The following MAST2 variants were observed in gnomAD, a reference collection of about 807,000 sequenced individuals.
MAST2 encodes the protein microtubule associated serine/threonine kinase 2.
A neutral mutation model predicts 147.4 loss-of-function variants in MAST2; 70 were observed. That is an observed-to-expected ratio of 0.47 (90% CI 0.39 to 0.58). The LOEUF is 0.58. Among genes scored for constraint, MAST2 ranks in the 20% least tolerant of loss-of-function variants. The probability of loss-of-function intolerance (pLI) is 0.00; values close to 1 mark genes in which losing one functional copy is unlikely to be tolerated. For missense variants in MAST2, 2,080 were observed against 2,302.3 expected (o/e 0.90, Z 1.98); for synonymous variants, 869 against 896.8 (o/e 0.97, Z 0.55).
intron 4 of MAST2, among the ~76,000 whole-genome samples, chr1:45,919,769 T>A (rs1653144098): frequency 6.6e-6 from 1 of 152,080 alleles, no homozygotes. Context: ...ATCTTACAGC[T>A]TTGGAGCTTG....
At chr1:45,905,082 A>T (rs926790567) in intron 4 of MAST2, among the ~76,000 whole-genome samples, 2 of 150,742 alleles carry the variant, frequency 1.3e-5, no homozygotes, top group African/African-American at 4.8e-5. Flanking sequence ...AAGTTCTGGG[A>T]TTGTAGGCAT....
At chr1:46,030,518 T>C in intron 21 of MAST2, 89 bp from the exon 22 acceptor site, 2 of 1,466,452 alleles carry the variant, frequency 1.4e-6, no homozygotes, top group South Asian at 1.3e-5. Flanking sequence ...TGGTTCAAAT[T>C]CCTAGGTTTC....
At chr1:45,892,630 TA>T (rs767081028) in intron 4 of MAST2, among the ~76,000 whole-genome samples, 7 of 152,176 alleles carry the variant, frequency 4.6e-5, no homozygotes, top group Admixed American at 1.3e-4. Flanking sequence ...TCAGTAGTTT[TA>T]AAATACCTGC....
chr1:45,904,974 A>AT (rs988099631), intron 4 of MAST2, among the ~76,000 whole-genome samples: 1 of 150,906 alleles, frequency 6.6e-6, no homozygotes, highest in Non-Finnish European at 1.5e-5. Flanking sequence ...TGCCTGGCTA[A>AT]TTTTTTTTAA....
Position 46,024,143 on chromosome 1 carries a change from C to T in MAST2, c.1780+163C>T, listed in dbSNP as rs1646304610. 12 of 658,102 alleles carry T rather than the reference C, an allele frequency of 1.8e-5. No homozygotes were observed. In the South Asian group the frequency reaches 2.1e-4, roughly 12 times the overall value. The allele number at this position is 658,102 out of a possible 1,614,324, so 40.8% of individuals were successfully genotyped here. On this transcript the variant is annotated intron_variant, in intron 15 of 28. Coordinates refer to ENST00000361297, the MANE Select transcript of MAST2 (RefSeq NM_015112.3). ...CTCAGGATCACAGAGACCATTTGGC[C>T]ACAGTGGGCACAAAGCTCCCTGCCT...
At position 46,029,452 on chromosome 1, in the gene MAST2, CCT is replaced by C. The variant is rs1170665362; in HGVS notation, c.2219-13_2219-12del. On this transcript the variant is annotated splice_polypyrimidine_tract_variant and intron_variant, in intron 18 of 28. Coordinates refer to ENST00000361297, the MANE Select transcript of MAST2 (RefSeq NM_015112.3). ...CACAATTTCTCCTTTCCCTCTCACC[CCT>C]GATGACTTCAGATGAGATTGTGTGG... 5.6e-6 allele frequency: 9 copies of C among 1,605,416 alleles called. No homozygotes were observed. The highest frequency in any genetic ancestry group is 1.1e-5 in the South Asian group (1 of 90,810).
chr1:45,920,226 T>C (rs1653237328), intron 4 of MAST2, among the ~76,000 whole-genome samples: 1 of 152,206 alleles, frequency 6.6e-6, no homozygotes, highest in Non-Finnish European at 1.5e-5. Context: ...CATATGCTGA[T>C]AGATATTCAG....
intron 5 of MAST2, among the ~76,000 whole-genome samples, chr1:45,993,357 A>G (rs1557440466): frequency 1.3e-5 from 2 of 151,930 alleles, no homozygotes; most frequent in African/African-American, 2.4e-5. Flanking sequence ...TTGTTTGAAA[A>G]AGTATTTATT....
At chr1:45,892,972 A>G (rs1478635935) in intron 4 of MAST2, among the ~76,000 whole-genome samples, 1 of 152,236 alleles carries the variant, frequency 6.6e-6, no homozygotes, top group Non-Finnish European at 1.5e-5. Context: ...TGTATAACTT[A>G]TAATATTCTT....
chr1:45,830,466 C>T (rs1023743394), intron 3 of MAST2, among the ~76,000 whole-genome samples: 1 of 152,176 alleles, frequency 6.6e-6, no homozygotes, highest in Non-Finnish European at 1.5e-5. Flanking sequence ...AGCCACTGTG[C>T]CTGGCCCAAT....
At chr1:45,987,702 C>G (rs757497919) in intron 5 of MAST2, among the ~76,000 whole-genome samples, 47 of 130,308 alleles carry the variant, frequency 3.6e-4, no homozygotes, top group Admixed American at 1.1e-3. Flanking sequence ...TACCTTTCTT[C>G]TGGGTTTCAT....
intron 5 of MAST2, among the ~76,000 whole-genome samples, chr1:45,970,083 T>C (rs977751502): frequency 6.6e-6 from 1 of 152,178 alleles, no homozygotes; most frequent in South Asian, 2.1e-4. Flanking sequence ...AACAAAATAG[T>C]TTCTCCCAAG....
rs768500557 is a variant in MAST2 at position 46,031,017 on chromosome 1, C to T, written c.2719C>T (p.Arg907Trp). 8.1e-6 allele frequency: 13 copies of T among 1,613,142 alleles called. No homozygotes were observed. Among genetic ancestry groups the T allele is most frequent in the Non-Finnish European group, 1.0e-5 (12 of 1,179,502 alleles). Residue 907 changes from arginine (R) to tryptophan (W), a missense_variant, in exon 23 of 29, where the codon CGG becomes TGG. By Grantham distance (101) the Arg-to-Trp change is moderately radical (BLOSUM62 -3). Transcript: ENST00000361297. This position sits in a 1 kb window ranked among gnomAD's most constrained non-coding sequence, Gnocchi z 4.1. ...VIGSPEILRK[R>W]LSVSESSHTE... is the part of the protein sequence containing the mutation. ...CCTTGTGTCTCATAGATTACGGAAG[C>T]GGCTGTCGGTGTCTGAGTCATCCCA...
intron 2 of MAST2, among the ~76,000 whole-genome samples, chr1:45,824,955 G>A (rs1570245880): frequency 6.6e-6 from 1 of 152,180 alleles, no homozygotes; most frequent in African/African-American, 2.4e-5. Flanking sequence ...AAAAATTCAG[G>A]GGGAAAAAAT....
At chr1:45,828,274 T>A (rs1644852282) in intron 2 of MAST2, among the ~76,000 whole-genome samples, 1 of 152,220 alleles carries the variant, frequency 6.6e-6, no homozygotes, top group Non-Finnish European at 1.5e-5. Flanking sequence ...CTTAACATCT[T>A]TACTACATTG....
chr1:45,983,358 C>CT (rs1644486754), intron 5 of MAST2, among the ~76,000 whole-genome samples: 1 of 152,144 alleles, frequency 6.6e-6, no homozygotes, highest in Non-Finnish European at 1.5e-5. Flanking sequence ...GTGTTGTAAA[C>CT]TAAGCACATT....
intron 3 of MAST2, among the ~76,000 whole-genome samples, chr1:45,842,427 C>G (rs1386238984): frequency 1.3e-5 from 2 of 152,154 alleles, no homozygotes; most frequent in African/African-American, 4.8e-5. Context: ...GCAAAACCTG[C>G]CTGTTACTTT....
rs569514453 is a variant in MAST2 at position 45,805,320 on chromosome 1, G to A, written c.177+1248G>A. The stretch of plus-strand genomic sequence containing the variant: ...ATTACAGGCATGAGCCAGTGTGCCC[G>A]GCCCTTTAGACAGTTTAAAAATTAT... On this transcript the variant is annotated intron_variant, in intron 1 of 28. Transcript: ENST00000361297. 1.0e-3 allele frequency among the ~76,000 whole-genome samples: 156 copies of A among 152,220 alleles called. 1 individual carries two copies. Among genetic ancestry groups the A allele is most frequent in the African/African-American group, 3.6e-3 (148 of 41,534 alleles).
At chr1:45,878,859 T>C (rs1462014199) in intron 3 of MAST2, among the ~76,000 whole-genome samples, 3 of 151,854 alleles carry the variant, frequency 2.0e-5, no homozygotes, top group African/African-American at 7.2e-5. Context: ...AGAAGTACTA[T>C]GTTCATGTAT....
Sources: allele counts gnomAD v4.1 joint callset (sites outside exome capture counted in the v4.1 genomes callset), GRCh38; gene constraint gnomAD v4.1.1; non-coding constraint Gnocchi (gnomAD v3.1); transcripts MANE v1.5; gene names NCBI Gene and HGNC (gene_info 2026-07-23, HGNC 2026-07-21).